Variants in NRAP observed in about 807,000 individuals in gnomAD.
NRAP encodes nebulin related anchoring protein.
In NRAP, 189 loss-of-function variants were observed where a neutral mutation model predicts 225.9. That is an observed-to-expected ratio of 0.84 (90% confidence interval 0.74 to 0.94). The LOEUF (loss-of-function observed/expected upper bound fraction) is 0.94. Ranked by LOEUF, NRAP falls within the 40% of genes least tolerant of loss-of-function variation. The probability of loss-of-function intolerance (pLI) is 0.00; values close to 1 mark genes in which losing one functional copy is unlikely to be tolerated. For missense variants in NRAP, 2,176 were observed against 2,168.7 expected (o/e 1.00, Z -0.07); for synonymous variants, 769 against 790.7 (o/e 0.97, Z 0.46).
intron 29 of NRAP, among the ~76,000 whole-genome samples, chr10:113,613,853 G>T (rs1847474500): frequency 6.6e-6 from 1 of 152,004 alleles, no homozygotes; most frequent in Non-Finnish European, 1.5e-5. Flanking sequence ...TTAAAAATTT[G>T]CAATTAATCC....
Position 113,646,943 on chromosome 10 carries a change from C to A in NRAP, c.973G>T (p.Ala325Ser). 1 of 1,613,766 alleles carries A rather than the reference C, an allele frequency of 6.2e-7. No homozygotes were observed. The highest frequency in any genetic ancestry group is 8.5e-7 in the Non-Finnish European group (1 of 1,179,646). Residue 325 changes from alanine (A) to serine (S), a missense_variant, in exon 10 of 42, where the codon GCT becomes TCT. Physicochemically the swap from Ala to Ser is moderately conservative, Grantham distance 99 (BLOSUM62 1). This residue lies in a region of NRAP where 1,708 missense variants were observed against 1,695.5 expected (regional missense o/e 1.01). Transcript: ENST00000359988. The part of the protein sequence containing the change: ...ITPAYQNAKK[A>S]HELASDIKYR... Reference sequence around the variant, plus strand: ...CTTACGTCACTAGCGAGTTCGTGAGCTTTCTTGGCGTTCTGATATGCTGGA... The same window carrying A: ...CTTACGTCACTAGCGAGTTCGTGAGATTTCTTGGCGTTCTGATATGCTGGA...
chr10:113,595,501 T>C (rs1443942808), intron 38 of NRAP, 122 bp downstream of exon 38: 1 of 636,704 alleles, frequency 1.6e-6, no homozygotes, highest in African/African-American at 1.8e-5. Flanking sequence ...CTCAGTTCAG[T>C]GTCCTTTCTG....
Position 113,606,287 on chromosome 10 carries a change from G to C in NRAP, c.3703-5C>G. The stretch of plus-strand genomic sequence containing the variant: ...TCCAGCTGCTTTATAGAGGCGCTAG[G>C]CCAAAAAAATATAATAATAATAATG... On this transcript the variant is annotated splice_polypyrimidine_tract_variant and splice_region_variant and intron_variant, in intron 32 of 41. Transcript: ENST00000359988. 6.4e-7 allele frequency: 1 copy of C among 1,562,638 alleles called. No individual in the cohort carries two copies. The highest frequency in any genetic ancestry group is 1.1e-5 in the South Asian group (1 of 89,998).
Position 113,626,156 on chromosome 10 carries a change from A to T in NRAP, c.2146-11T>A, listed in dbSNP as rs1306212646. ...CTGCCGGTAGTTTTTCTGTTTCCAAAGGAAAGGGACCCCACAGCATTAGGA... is the reference window on the plus strand; with the variant it reads ...CTGCCGGTAGTTTTTCTGTTTCCAATGGAAAGGGACCCCACAGCATTAGGA... On this transcript the variant is annotated splice_polypyrimidine_tract_variant and intron_variant, in intron 20 of 41. Coordinates refer to ENST00000359988, the MANE Select transcript of NRAP (RefSeq NM_198060.4). 1 of 1,584,084 alleles carries T rather than the reference A, an allele frequency of 6.3e-7. No individual in the cohort carries two copies. Among genetic ancestry groups the T allele is most frequent in the Non-Finnish European group, 8.6e-7 (1 of 1,163,470 alleles).
At chr10:113,651,949 A>T in intron 6 of NRAP, 42 bp from the exon 7 acceptor site, 1 of 1,245,668 alleles carries the variant, frequency 8.0e-7, no homozygotes, top group Non-Finnish European at 1.2e-6. Context: ...CCCACCTCAC[A>T]GCCTCCTCAG....
intron 25 of NRAP, among the ~76,000 whole-genome samples, chr10:113,619,619 C>CA (rs33990694): frequency 3.1e-3 from 439 of 143,062 alleles, no homozygotes; most frequent in Admixed American, 4.5e-3. Flanking sequence ...AAAGACTCCT[C>CA]AAAAAAAAAA....
Position 113,613,260 on chromosome 10 carries a change from A to G in NRAP, c.3301-829T>C, listed in dbSNP as rs923363391. On this transcript the variant is annotated intron_variant, in intron 29 of 41. Transcript: ENST00000359988. The stretch of plus-strand genomic sequence containing the variant: ...AGCAACTCAAGATGGAAAGGAAAAA[A>G]AAAAAGTTATGAATGGGGAAACTGG... Among the ~76,000 whole-genome samples the G allele has an allele frequency of 4.6e-5, 7 of 152,192 alleles. No homozygotes were observed. In the South Asian group the frequency reaches 1.4e-3, roughly 31 times the overall value.
At chr10:113,653,131 TA>T in intron 5 of NRAP, 92 bp from the exon 6 acceptor site, 2 of 692,744 alleles carry the variant, frequency 2.9e-6, no homozygotes, top group Non-Finnish European at 4.9e-6. Flanking sequence ...ACTAGATTCA[TA>T]AAGTTCTTCG....
At chr10:113,614,710 G>T (rs1424132079) in intron 28 of NRAP, 129 bp downstream of exon 28, 13 of 655,724 alleles carry the variant, frequency 2.0e-5, no homozygotes, top group Non-Finnish European at 2.8e-6. Flanking sequence ...TTATCTGATT[G>T]CCCTGACACA....
intron 35 of NRAP, among the ~76,000 whole-genome samples, chr10:113,601,974 C>T (rs1414753808): frequency 6.6e-6 from 1 of 152,192 alleles, no homozygotes; most frequent in Non-Finnish European, 1.5e-5. Context: ...CAACCTCTGC[C>T]TCCTGGGCTC....
chr10:113,599,006 G>A (rs1846446299), intron 35 of NRAP, among the ~76,000 whole-genome samples: 1 of 152,170 alleles, frequency 6.6e-6, no homozygotes, highest in Non-Finnish European at 1.5e-5. Context: ...TCGCCTGAAT[G>A]CTTCTCTTCT....
intron 3 of NRAP, among the ~76,000 whole-genome samples, chr10:113,659,385 G>C (rs1850520268): frequency 6.6e-6 from 1 of 152,118 alleles, no homozygotes. Context: ...CCCAGGTAGG[G>C]GTTGGGGGGA....
At chr10:113,605,310 T>C (rs1485521827) in intron 34 of NRAP, among the ~76,000 whole-genome samples, 2 of 152,254 alleles carry the variant, frequency 1.3e-5, no homozygotes, top group Non-Finnish European at 2.9e-5. Flanking sequence ...GAAAGTCACC[T>C]TCATGTCCCA....
rs180792749 is a variant in NRAP at position 113,625,742 on chromosome 10, T to A, written c.2244+305A>T. On this transcript the variant is annotated intron_variant, in intron 21 of 41. Coordinates refer to ENST00000359988, the MANE Select transcript of NRAP (RefSeq NM_198060.4). ...TTCTCTCCTGGCTCCAGAATTAGAG[T>A]CTTTGATGAGAGATAGGAGTCAGAA... 1.3e-4 allele frequency among the ~76,000 whole-genome samples: 19 copies of A among 151,934 alleles called. 1 individual carries two copies. Among genetic ancestry groups the A allele is most frequent in the Admixed American group, 1.0e-3 (16 of 15,258 alleles).
At chr10:113,653,799 C>CT (rs1850135976) in intron 5 of NRAP, among the ~76,000 whole-genome samples, 2 of 151,910 alleles carry the variant, frequency 1.3e-5, no homozygotes, top group Non-Finnish European at 2.9e-5. Context: ...TAGAGGCCCA[C>CT]ACATTTCTAG....
In NRAP at chr10:113,646,859, G is replaced by A. The variant is rs528955591; in HGVS notation, c.993+64C>T. ...TGTATCTGTGTGTAGGTTTCAGTAA[G>A]CACAGCCTTCAAAGTCTCACTTCTC... is the stretch of plus-strand genomic sequence containing the variant. On this transcript the variant is annotated intron_variant, in intron 10 of 41. Coordinates refer to ENST00000359988, the MANE Select transcript of NRAP (RefSeq NM_198060.4). 5 of 1,094,670 alleles carry A rather than the reference G, an allele frequency of 4.6e-6. No homozygotes were observed. The African/African-American group carries it at 7.7e-5, about 17-fold the overall frequency. 67.8% of individuals were successfully genotyped at this position (1,094,670 alleles called of 1,614,324 possible). A position where few individuals can be genotyped will look rare whatever the true frequency, so the allele number is the denominator to read the frequency against.
At chr10:113,626,460 A>T (rs1440695495) in intron 20 of NRAP, among the ~76,000 whole-genome samples, 3 of 152,180 alleles carry the variant, frequency 2.0e-5, no homozygotes, top group Non-Finnish European at 2.9e-5. Flanking sequence ...GGTGGAGGAA[A>T]CTTGGACTTT....
chr10:113,643,073 C>T (rs72833785), intron 11 of NRAP, 35 bp from the exon 12 acceptor site: 7 of 1,041,402 alleles, frequency 6.7e-6, no homozygotes, highest in South Asian at 2.6e-5. Context: ...ACAATAGAAC[C>T]AAATCCGAAG....
intron 1 of NRAP, 133 bp from the exon 2 acceptor site, chr10:113,663,579 C>A: frequency 1.5e-6 from 1 of 654,558 alleles, no homozygotes; most frequent in Admixed American, 2.9e-5. Context: ...TCCACACACA[C>A]AGCTATAACA....
Sources: allele counts gnomAD v4.1 joint callset (sites outside exome capture counted in the v4.1 genomes callset), GRCh38; gene constraint gnomAD v4.1.1; regional missense constraint gnomAD v4.1.1; transcripts MANE v1.5; gene names NCBI Gene and HGNC (gene_info 2026-07-23, HGNC 2026-07-21).